PRKDC: variants seen among roughly 807,000 people sequenced by gnomAD.
PRKDC encodes the protein protein kinase, DNA-activated, catalytic subunit.
A neutral mutation model predicts 486.9 loss-of-function variants in PRKDC; 82 were observed. That is an observed-to-expected ratio of 0.17 (90% CI 0.14 to 0.20). PRKDC has a LOEUF of 0.20. PRKDC is among the 10% of genes least tolerant of loss of function. PRKDC has a pLI of 1.00. For missense variants in PRKDC, 4,504 were observed against 5,038.2 expected (o/e 0.89, Z 3.21); for synonymous variants, 1,895 against 1,837.0 (o/e 1.03, Z -0.81).
At chr8:47,947,950 T>C (rs1006570460) in intron 7 of PRKDC, among the ~76,000 whole-genome samples, 1 of 151,570 alleles carries the variant, frequency 6.6e-6, no homozygotes, top group East Asian at 1.9e-4. Context: ...CATGGTGGCA[T>C]GCACCTATAG....
chr8:47,887,460 A>G, intron 35 of PRKDC, 87 bp downstream of exon 35: 1 of 1,286,634 alleles, frequency 7.8e-7, no homozygotes, highest in Non-Finnish European at 1.0e-6. Flanking sequence ...CTTACTACCC[A>G]AATTCCACAG....
In PRKDC at chr8:47,881,515, A is replaced by C; in HGVS notation, c.4968T>G (p.Asp1656Glu). 1 of 1,487,756 alleles carries C rather than the reference A, an allele frequency of 6.7e-7. No homozygotes were observed. Among genetic ancestry groups the C allele is most frequent in the South Asian group, 1.3e-5 (1 of 79,100 alleles). 92.2% of individuals were successfully genotyped at this position (1,487,756 alleles called of 1,614,324 possible). A position where few individuals can be genotyped will look rare whatever the true frequency, so the allele number is the denominator to read the frequency against. ...GACTTGTATTAAAAGATACAGATGA[A>C]TCAATCTAAAGGAAGGAAAAGAAAA... ...LALLAKILQI[D>E]SSVSFNTSHG... Residue 1656 changes from aspartate to glutamate, a missense_variant, in exon 38 of 86, where the codon GAT becomes GAG. Coordinates refer to ENST00000314191, the MANE Select transcript of PRKDC (RefSeq NM_006904.7).
rs527407168 is a variant in PRKDC, at chr8:47,884,054, A to G, written c.4776+1890T>C. 3.9e-5 allele frequency among the ~76,000 whole-genome samples: 6 copies of G among 152,388 alleles called. No homozygotes were observed. In the South Asian group the frequency reaches 1.2e-3, roughly 32 times the overall value. ...CAGATGCTGAACTGAAAGTATTCAGAGGGAAAGGGCAGACAGCCTGAAAGT... is the reference window on the plus strand; with the variant it reads ...CAGATGCTGAACTGAAAGTATTCAGGGGGAAAGGGCAGACAGCCTGAAAGT... On this transcript the variant is annotated intron_variant, in intron 36 of 85. Coordinates refer to ENST00000314191, the MANE Select transcript of PRKDC (RefSeq NM_006904.7).
At chr8:47,810,096 G>A (rs899916528) in intron 68 of PRKDC, among the ~76,000 whole-genome samples, 1 of 152,174 alleles carries the variant, frequency 6.6e-6, no homozygotes, top group Non-Finnish European at 1.5e-5. Context: ...AAACAGCACA[G>A]GTTTGGACAG....
chr8:47,952,271 T>A (rs1198660767), intron 7 of PRKDC, among the ~76,000 whole-genome samples: 1 of 152,034 alleles, frequency 6.6e-6, no homozygotes. Context: ...CACACAGGAA[T>A]ATGATTCAGC....
rs2089216385 is a variant in PRKDC at position 47,881,511 on chromosome 8, A to G, written c.4972T>C (p.Ser1658Pro). The change falls in exon 38 of 86, where the codon TCT (serine) becomes CCT (proline). Residue 1658 changes from serine to proline, a missense_variant. Ser to Pro is a moderately conservative substitution (Grantham distance 74). This residue lies in a region of PRKDC where 1,969 missense variants were observed against 2,068.9 expected (regional missense o/e 0.95). Transcript: ENST00000314191. ...LLAKILQIDS[S>P]VSFNTSHGSF... The stretch of plus-strand genomic sequence containing the variant: ...CCATGACTTGTATTAAAAGATACAG[A>G]TGAATCAATCTAAAGGAAGGAAAAG... 1 of 1,505,742 alleles carries G rather than the reference A, an allele frequency of 6.6e-7. No individual in the cohort carries two copies. Among genetic ancestry groups the G allele is most frequent in the Non-Finnish European group, 9.1e-7 (1 of 1,101,172 alleles). 93.3% of individuals were successfully genotyped at this position (1,505,742 alleles called of 1,614,324 possible).
chr8:47,902,290 C>G (rs923713407), intron 27 of PRKDC, among the ~76,000 whole-genome samples: 1 of 152,236 alleles, frequency 6.6e-6, no homozygotes, highest in Admixed American at 6.5e-5. Context: ...CCTGGATCAG[C>G]TACTCCTCCT....
rs574878822 is a variant in PRKDC at position 47,794,034 on chromosome 8, T to C, written c.10670+256A>G. On this transcript the variant is annotated intron_variant, in intron 74 of 85. Transcript: ENST00000314191. ...TGATTTCAAAAATCATCTCATCTAGTCTATCCCAAGCAATCATGACCATAT... is the reference window on the plus strand; with the variant it reads ...TGATTTCAAAAATCATCTCATCTAGCCTATCCCAAGCAATCATGACCATAT... Among the ~76,000 whole-genome samples, 73 of 152,346 alleles carry C rather than the reference T, an allele frequency of 4.8e-4. 1 individual carries two copies. Among genetic ancestry groups the C allele is most frequent in the Non-Finnish European group, 1.5e-5 (1 of 68,036 alleles).
At chr8:47,791,287 C>T (rs887147003) in intron 74 of PRKDC, among the ~76,000 whole-genome samples, 3 of 152,090 alleles carry the variant, frequency 2.0e-5, no homozygotes, top group Middle Eastern at 3.2e-3. Context: ...CCAGCCTGGC[C>T]AACATGGTGA....
chr8:47,907,398 A>G (rs992330089), intron 25 of PRKDC, among the ~76,000 whole-genome samples: 6 of 148,978 alleles, frequency 4.0e-5, no homozygotes, highest in Non-Finnish European at 8.9e-5. Flanking sequence ...ATACATAGCT[A>G]TATATATATA....
At chr8:47,958,289 A>G (rs1296925604) in intron 1 of PRKDC, among the ~76,000 whole-genome samples, 1 of 152,198 alleles carries the variant, frequency 6.6e-6, no homozygotes, top group Non-Finnish European at 1.5e-5. Flanking sequence ...CAGGGACCTC[A>G]ATCCTATATA....
At chr8:47,944,201 T>C (rs1260620766) in intron 7 of PRKDC, among the ~76,000 whole-genome samples, 172 bp from the exon 8 acceptor site, 14 of 152,206 alleles carry the variant, frequency 9.2e-5, no homozygotes, top group Admixed American at 4.6e-4. Flanking sequence ...TGCACGGTTA[T>C]GACTGCGAGA....
intron 54 of PRKDC, among the ~76,000 whole-genome samples, chr8:47,844,495 A>C (rs1458037765): frequency 6.6e-6 from 1 of 152,182 alleles, no homozygotes; most frequent in African/African-American, 2.4e-5. Context: ...GGAAGGCAGA[A>C]AACTAACAAA....
At chr8:47,957,042 G>T in intron 3 of PRKDC, 129 bp downstream of exon 3, 1 of 449,920 alleles carries the variant, frequency 2.2e-6, no homozygotes, top group Non-Finnish European at 3.7e-6. Context: ...CAATGAAGCA[G>T]AAATAAGCAA....
chr8:47,880,306 T>G (rs979169520), intron 38 of PRKDC, among the ~76,000 whole-genome samples: 1 of 152,178 alleles, frequency 6.6e-6, no homozygotes, highest in Non-Finnish European at 1.5e-5. Flanking sequence ...AGAAAGAACA[T>G]TTTGAATAAC....
chr8:47,859,874 TCAAG>T, intron 45 of PRKDC, 115 bp from the exon 46 acceptor site: 3 of 1,092,314 alleles, frequency 2.7e-6, no homozygotes, highest in Non-Finnish European at 3.9e-6. Flanking sequence ...AAGGTTTTCA[TCAAG>T]CCAGTGATTA....
rs1173774704 is a variant in PRKDC at position 47,889,221 on chromosome 8, A to G, written c.4073T>C (p.Leu1358Pro). 17 of 1,598,282 alleles carry G rather than the reference A, an allele frequency of 1.1e-5. No individual in the cohort carries two copies. Among genetic ancestry groups the G allele is most frequent in the Non-Finnish European group, 1.5e-5 (17 of 1,171,706 alleles). ...LLNTSPEGWKLLKKDLCNTHL... is the reference protein window; with the variant it reads ...LLNTSPEGWKPLKKDLCNTHL... Reference sequence around the variant, plus strand: ...TGTATTACACAAGTCCTTCTTCAGGAGCTGTAACAGATTGTTTGATAAAAA... The same window carrying G: ...TGTATTACACAAGTCCTTCTTCAGGGGCTGTAACAGATTGTTTGATAAAAA... The change falls in exon 33 of 86, where the codon CTC becomes CCC. Residue 1358 changes from leucine (L) to proline (P), a missense_variant and splice_region_variant. Physicochemically the swap from Leu to Pro is moderately conservative, Grantham distance 98. This residue lies in a region of PRKDC where 1,969 missense variants were observed against 2,068.9 expected (regional missense o/e 0.95). Coordinates refer to ENST00000314191, the MANE Select transcript of PRKDC (RefSeq NM_006904.7).
At chr8:47,839,692 A>C (rs1324926432) in intron 55 of PRKDC, among the ~76,000 whole-genome samples, 20 of 152,262 alleles carry the variant, frequency 1.3e-4, no homozygotes, top group Admixed American at 1.3e-3. Context: ...TACATGTTTT[A>C]ATTATTAATC....
In PRKDC at chr8:47,955,916, T is replaced by G; in HGVS notation, c.357A>C (p.Arg119Ser). Residue 119 changes from arginine (R) to serine (S), a missense_variant, in exon 4 of 86, where the codon AGA becomes AGC. By Grantham distance (110) the Arg-to-Ser change is moderately radical. Around this residue, in one of 6 missense-constraint regions of PRKDC, gnomAD observed 12 missense variants for 31.1 expected, o/e 0.39. Coordinates refer to ENST00000314191, the MANE Select transcript of PRKDC (RefSeq NM_006904.7). ...NTCTSVYTKD[R>S]AAKCKIPALD... The stretch of plus-strand genomic sequence containing the variant: ...GGGCTGGAATTTTACATTTAGCAGC[T>G]CTATCTTTTGTATAAACACTGGTAC... The G allele has an allele frequency of 6.2e-7, 1 of 1,606,276 alleles. No individual in the cohort carries two copies. Among genetic ancestry groups the G allele is most frequent in the Non-Finnish European group, 8.5e-7 (1 of 1,174,632 alleles).
Sources: allele counts gnomAD v4.1 joint callset (sites outside exome capture counted in the v4.1 genomes callset), GRCh38; gene constraint gnomAD v4.1.1; regional missense constraint gnomAD v4.1.1; transcripts MANE v1.5; gene names NCBI Gene and HGNC (gene_info 2026-07-23, HGNC 2026-07-21).